The following DIS3 variants were observed in gnomAD, a reference collection of about 807,000 sequenced individuals.
DIS3 encodes the protein DIS3 exosome endoribonuclease and 3'-5' exoribonuclease, also known as exosome complex exonuclease RRP44.
Under a neutral mutation model 113.0 loss-of-function variants are expected in DIS3, and 103 were observed. That is an observed-to-expected ratio of 0.91 (90% confidence interval 0.78 to 1.07). DIS3 has a LOEUF of 1.07. DIS3 is among the 50% of genes least tolerant of loss of function. The pLI, the probability that DIS3 is intolerant of heterozygous loss-of-function variation, is 0.00. For synonymous variants in DIS3, 402 were observed against 394.3 expected, an observed-to-expected ratio of 1.02 and a Z score of -0.23; for missense variants, 1,121 against 1,167.1, an observed-to-expected ratio of 0.96 and a Z score of 0.58.
rs1050701910 is a variant in DIS3 at position 72,771,147 on chromosome 13, T to C, written c.1606-2A>G. 1.9e-6 allele frequency: 3 copies of C among 1,612,568 alleles called. No individual in the cohort carries two copies. Among genetic ancestry groups the C allele is most frequent in the Middle Eastern group, 1.7e-4 (1 of 6,056 alleles). On this transcript the variant is annotated splice_acceptor_variant, in intron 11 of 20. Coordinates refer to ENST00000377767, the MANE Select transcript of DIS3 (RefSeq NM_014953.5). LOFTEE classifies it high-confidence loss of function. The stretch of plus-strand genomic sequence containing the variant: ...CAACTCTGGAACCATGTCAATCCTC[T>C]GCAAAAGATAAAAATAGAACCACAG...
chr13:72,768,511 G>A (rs772073908), intron 14 of DIS3, among the ~76,000 whole-genome samples: 49 of 152,252 alleles, frequency 3.2e-4, no homozygotes, highest in South Asian at 1.5e-3. Flanking sequence ...TTAGCTGGGC[G>A]TGGTGGTGGG....
chr13:72,763,522 C>G lies in DIS3; in HGVS notation c.2056G>C (p.Ala686Pro), dbSNP rs1175752033. Residue 686 changes from alanine to proline, a missense_variant, in exon 16 of 21, where the codon GCT (alanine) becomes CCT (proline). This residue lies in a region of DIS3 where 861 missense variants were observed against 915.5 expected (regional missense o/e 0.94). Transcript: ENST00000377767. ...GGAGCAGGATGTTTTCGAAGCAGAG[C>G]ATGTTCAGAAAATTCCTCATGAATT... ...KKIHEEFSEH[A>P]LLRKHPAPPP... is the part of the protein sequence containing the mutation. 3 of 1,613,666 alleles carry G rather than the reference C, an allele frequency of 1.9e-6. No homozygotes were observed. Among genetic ancestry groups the G allele is most frequent in the Non-Finnish European group, 2.5e-6 (3 of 1,179,942 alleles).
intron 14 of DIS3, among the ~76,000 whole-genome samples, chr13:72,767,164 T>A (rs989049285): frequency 6.6e-6 from 1 of 152,154 alleles, no homozygotes; most frequent in African/African-American, 2.4e-5. Flanking sequence ...ACGGTTTTTT[T>A]TTCTGATTGC....
rs192988333 is a variant in DIS3, at chr13:72,781,557, C to A, written c.228+48G>T. 477 of 1,477,078 alleles carry A rather than the reference C, an allele frequency of 3.2e-4. 1 individual carries two copies. In the Admixed American group the frequency reaches 0.01, roughly 32 times the overall value. The allele number at this position is 1,477,078 out of a possible 1,614,324, so 91.5% of individuals were successfully genotyped here. ...GGGCCTCAGTTTCCCTGTCATACCC[C>A]CTTGTCCCCGTGGGGCCGCGCTGTC... is the stretch of plus-strand genomic sequence containing the variant. On this transcript the variant is annotated intron_variant, in intron 1 of 20. Transcript: ENST00000377767.
At chr13:72,781,229 T>C (rs2034200866) in intron 1 of DIS3, 2 of 1,530,584 alleles carry the variant, frequency 1.3e-6, no homozygotes, top group Non-Finnish European at 1.8e-6. Context: ...CTTCGTAGAA[T>C]TAAGGGTATT....
chr13:72,775,956 C>T lies in DIS3; in HGVS notation c.791G>A (p.Trp264Ter), dbSNP rs2138224256. 6.2e-7 allele frequency: 1 copy of T among 1,607,502 alleles called. No homozygotes were observed. Among genetic ancestry groups the T allele is most frequent in the Non-Finnish European group, 8.5e-7 (1 of 1,178,146 alleles). The change falls in exon 5 of 21, where the codon TGG becomes TAG. Residue 264 changes from tryptophan (W) to a stop codon, truncating the protein, a stop_gained. Transcript: ENST00000377767. LOFTEE classifies it high-confidence loss of function. ...ATTTTCTTCATTGTCGCCATGAATC[C>T]ATACTGTAGCTTCCAAGTAATTTTC... ...SRENYLEATVWIHGDNEENKE... is the reference protein window; with the variant it reads ...SRENYLEATV
At chr13:72,770,621 T>C (rs540832936) in intron 13 of DIS3, among the ~76,000 whole-genome samples, 2 of 152,292 alleles carry the variant, frequency 1.3e-5, no homozygotes, top group Admixed American at 6.5e-5. Flanking sequence ...AAATGAGTTT[T>C]AGTGTAAATT....
intron 18 of DIS3, 56 bp from the exon 19 acceptor site, chr13:72,761,577 A>G: frequency 6.6e-7 from 1 of 1,524,468 alleles, no homozygotes; most frequent in East Asian, 2.4e-5. Flanking sequence ...AAATAAACAA[A>G]AAATTGAAAT....
Position 72,770,906 on chromosome 13 carries a change from T to C in DIS3, c.1753A>G (p.Lys585Glu), listed in dbSNP as rs1370255184. 2 of 1,593,966 alleles carry C rather than the reference T, an allele frequency of 1.3e-6. No individual in the cohort carries two copies. Among genetic ancestry groups the C allele is most frequent in the Non-Finnish European group, 1.7e-6 (2 of 1,169,232 alleles). ...TKFTKSVINSKASLTYAEAQL... is the reference protein window; with the variant it reads ...TKFTKSVINSEASLTYAEAQL... ...AGATTAATAGCCATGAAACGAACCT[T>C]TGAATTAATAACACTTTTGGTAAAC... Residue 585 changes from lysine to glutamate, a missense_variant and splice_region_variant, in exon 13 of 21, where the codon AAG becomes GAG. Lys to Glu is a moderately conservative substitution (Grantham distance 56). Coordinates refer to ENST00000377767, the MANE Select transcript of DIS3 (RefSeq NM_014953.5).
chr13:72,781,070 C>T, intron 1 of DIS3, 67 bp from the exon 2 acceptor site: 1 of 1,481,490 alleles, frequency 6.7e-7, no homozygotes, highest in Non-Finnish European at 9.2e-7. Flanking sequence ...ACATAAAATC[C>T]TGTTTTATGT....
Position 72,780,862 on chromosome 13 carries a change from T to A in DIS3, c.370A>T (p.Thr124Ser). 1 of 1,608,194 alleles carries A rather than the reference T, an allele frequency of 6.2e-7. No homozygotes were observed. The highest frequency in any genetic ancestry group is 8.5e-7 in the Non-Finnish European group (1 of 1,178,338). Residue 124 changes from threonine to serine, a missense_variant, in exon 2 of 21, where the codon ACT becomes TCT. Thr to Ser is a moderately conservative substitution (Grantham distance 58). This residue lies in a region of DIS3 where 254 missense variants were observed against 232.2 expected (regional missense o/e 1.09). Transcript: ENST00000377767. ...TCCTCCTACCTATGGTGCTCATTAG[T>A]GAAAGTATAGAAATGCTTCTCTTGG... is the stretch of plus-strand genomic sequence containing the variant. Reference protein sequence around the residue: ...NNQEKHFYTFTNEHHRETYVE... With the variant: ...NNQEKHFYTFSNEHHRETYVE...
intron 19 of DIS3, 112 bp downstream of exon 19, chr13:72,761,251 G>A (rs193196175): frequency 1.5e-6 from 2 of 1,353,854 alleles, no homozygotes; most frequent in Admixed American, 5.5e-5. Flanking sequence ...TGGAGATCAG[G>A]ATAAATTCTT....
chr13:72,778,061 A>T, intron 3 of DIS3, 126 bp downstream of exon 3: 1 of 859,080 alleles, frequency 1.2e-6, no homozygotes, highest in Middle Eastern at 3.9e-4. Flanking sequence ...ATACAAAAAT[A>T]TCACATGAAG....
In DIS3 at chr13:72,756,620, T is replaced by C. The variant is rs2033481118; in HGVS notation, c.*3175A>G. The C allele has an allele frequency of 6.6e-6, 1 of 152,128 alleles. No homozygotes were observed. The allele number at this position is 152,128 out of a possible 1,614,324, so 9.4% of individuals were successfully genotyped here. On this transcript the variant is annotated 3_prime_UTR_variant, in exon 21 of 21. Transcript: ENST00000377767. ...TGTAGCAATCCCCACGTGTCAAGGG[T>C]GGGACCAGGTGGAGGTAACTGGATC...
At chr13:72,762,167 T>C (rs1350011866) in intron 16 of DIS3, 30 bp from the exon 17 acceptor site, 1 of 1,571,132 alleles carries the variant, frequency 6.4e-7, no homozygotes, top group South Asian at 1.1e-5. Context: ...AAGAGCACCA[T>C]ATTAAACATT....
intron 13 of DIS3, among the ~76,000 whole-genome samples, chr13:72,769,148 T>A (rs1389999373): frequency 6.6e-6 from 1 of 152,238 alleles, no homozygotes; most frequent in Non-Finnish European, 1.5e-5. Context: ...AAAATGGCAA[T>A]GTTGTTAGCA....
At position 72,757,339 on chromosome 13, in the gene DIS3, T is replaced by G. The variant is rs891538385; in HGVS notation, c.*2456A>C. The G allele has an allele frequency of 6.7e-6, 1 of 150,310 alleles. No individual in the cohort carries two copies. Among genetic ancestry groups the G allele is most frequent in the African/African-American group, 2.5e-5 (1 of 40,648 alleles). 9.3% of individuals were successfully genotyped at this position (150,310 alleles called of 1,614,324 possible). On this transcript the variant is annotated 3_prime_UTR_variant, in exon 21 of 21. Transcript: ENST00000377767. ...ATCTTGGCTCACTGCAACCTCTGCCTCCCAGGTTCAAGCGATTCTCCTGCC... is the reference window on the plus strand; with the variant it reads ...ATCTTGGCTCACTGCAACCTCTGCCGCCCAGGTTCAAGCGATTCTCCTGCC...
chr13:72,773,694 C>G lies in DIS3; in HGVS notation c.1229G>C (p.Arg410Thr), dbSNP rs770320008. 2 of 1,609,142 alleles carry G rather than the reference C, an allele frequency of 1.2e-6. No individual in the cohort carries two copies. The highest frequency in any genetic ancestry group is 2.2e-5 in the East Asian group (1 of 44,822). Residue 410 changes from arginine (R) to threonine (T), a missense_variant, in exon 8 of 21, where the codon AGA becomes ACA. Arg to Thr is a moderately conservative substitution (Grantham distance 71). Coordinates refer to ENST00000377767, the MANE Select transcript of DIS3 (RefSeq NM_014953.5). ...VAIDGWPRNS[R>T]YPNGHFVRNL... ...ATACTTTAAGCTTACATTTGGATAT[C>G]TGGAATTTCTGGGCCAACCATCAAT...
chr13:72,772,597 G>A (rs1403006710), intron 9 of DIS3, 96 bp downstream of exon 9: 8 of 1,294,770 alleles, frequency 6.2e-6, no homozygotes, highest in Middle Eastern at 2.2e-4. Context: ...AAGAGGGCCC[G>A]TGGTGTCTAC....
Sources: gnomAD v4.1 joint callset for allele counts (sites outside exome capture counted in the v4.1 genomes callset) on GRCh38, gnomAD v4.1.1 for gene constraint, gnomAD v4.1.1 regional missense constraint, MANE v1.5 for transcripts, NCBI Gene and HGNC (gene_info 2026-07-23, HGNC 2026-07-21) for gene names.